DNAH11: variants seen among roughly 807,000 people sequenced by gnomAD.
The protein encoded by DNAH11 is axonemal beta dynein heavy chain 11.
DNAH11 carries 442 observed loss-of-function variants against 526.0 expected under a neutral mutation model. The ratio of observed to expected loss-of-function variants is 0.84; its 90% CI spans 0.78 to 0.91. The LOEUF (loss-of-function observed/expected upper bound fraction) is 0.91. Ranked by LOEUF, DNAH11 falls within the 40% of genes least tolerant of loss-of-function variation. The pLI is 0.00. For missense variants in DNAH11, 6,989 were observed against 5,448.7 expected (o/e 1.28, Z -8.90); for synonymous variants, 2,461 against 1,935.9 (o/e 1.27, Z -7.12).
At chr7:21,868,190 T>C (rs1783359757) in intron 72 of DNAH11, among the ~76,000 whole-genome samples, 183 bp downstream of exon 72, 1 of 151,248 alleles carries the variant, frequency 6.6e-6, no homozygotes, top group African/African-American at 2.4e-5. Context: ...AATGTTGAAA[T>C]GGAACATTCA....
chr7:21,647,702 A>C (rs1418151563), intron 28 of DNAH11, among the ~76,000 whole-genome samples: 1 of 152,038 alleles, frequency 6.6e-6, no homozygotes, highest in African/African-American at 2.4e-5. Flanking sequence ...AAGAGCTGGG[A>C]TTACAGGCAT....
At chr7:21,685,413 T>G (rs890204052) in intron 32 of DNAH11, among the ~76,000 whole-genome samples, 3 of 152,334 alleles carry the variant, frequency 2.0e-5, no homozygotes, top group African/African-American at 7.2e-5. Flanking sequence ...TGTGGGTTTT[T>G]TGGGAGCTGA....
chr7:21,624,161 A>G (rs1185175966), intron 25 of DNAH11, among the ~76,000 whole-genome samples: 2 of 152,030 alleles, frequency 1.3e-5, no homozygotes, highest in Non-Finnish European at 2.9e-5. Flanking sequence ...AGGTAGTGTG[A>G]ACATTTTAAC....
chr7:21,627,246 T>C (rs1371460228), intron 25 of DNAH11, among the ~76,000 whole-genome samples: 1 of 152,196 alleles, frequency 6.6e-6, no homozygotes, highest in East Asian at 1.9e-4. Flanking sequence ...GTTAATTGTT[T>C]CTATTGCTGT....
intron 66 of DNAH11, among the ~76,000 whole-genome samples, chr7:21,848,498 T>C (rs1378398811): frequency 1.3e-5 from 2 of 152,180 alleles, no homozygotes; most frequent in East Asian, 3.8e-4. Flanking sequence ...GTTTTATTCA[T>C]TATACTTGTT....
intron 48 of DNAH11, among the ~76,000 whole-genome samples, chr7:21,741,288 G>C (rs1785882180): frequency 6.6e-6 from 1 of 152,184 alleles, no homozygotes; most frequent in Non-Finnish European, 1.5e-5. Flanking sequence ...TAGTGCGTCT[G>C]TTTTTATTGC....
At chr7:21,727,757 A>G (rs1413498418) in intron 45 of DNAH11, among the ~76,000 whole-genome samples, 1 of 152,200 alleles carries the variant, frequency 6.6e-6, no homozygotes, top group Non-Finnish European at 1.5e-5. Flanking sequence ...AGCCCAGTGC[A>G]TTCATTTCCT....
rs1417695022 is a variant in DNAH11, at chr7:21,546,117, G to A, written c.495+968G>A. Among the ~76,000 whole-genome samples the A allele has an allele frequency of 5.9e-5, 9 of 152,130 alleles. No individual in the cohort carries two copies. The East Asian group carries it at 7.7e-4, about 13-fold the overall frequency. On this transcript the variant is annotated intron_variant, in intron 2 of 81. Transcript: ENST00000409508. ...TAATCAGTGTAGTCCTGCCAAGGCC[G>A]ATATTTAAGGTAGGAAAAATGCTGA...
chr7:21,641,288 G>A (rs564745776), intron 28 of DNAH11, among the ~76,000 whole-genome samples: 25 of 152,276 alleles, frequency 1.6e-4, no homozygotes, highest in African/African-American at 5.8e-4. Flanking sequence ...ACCCAAAAAA[G>A]GCGGGGGAGA....
At chr7:21,559,927 C>G (rs1035822316) in intron 4 of DNAH11, 135 bp downstream of exon 4, 2 of 756,760 alleles carry the variant, frequency 2.6e-6, no homozygotes, top group Non-Finnish European at 4.1e-6. Context: ...ATCCAGAGTT[C>G]TGTGTGTGTG....
chr7:21,747,249 T>C (rs1292442672), intron 51 of DNAH11, among the ~76,000 whole-genome samples: 5 of 152,208 alleles, frequency 3.3e-5, no homozygotes, highest in Admixed American at 3.3e-4. Flanking sequence ...GAAGTAAAAT[T>C]TAATGTGATG....
Position 21,884,391 on chromosome 7 carries a change from A to G in DNAH11, c.12488A>G (p.Glu4163Gly). 1 of 1,610,984 alleles carries G rather than the reference A, an allele frequency of 6.2e-7. No individual in the cohort carries two copies. The highest frequency in any genetic ancestry group is 1.7e-4 in the Middle Eastern group (1 of 6,050). The change falls in exon 76 of 82, where the codon GAA becomes GGA. Residue 4163 changes from glutamate (E) to glycine (G), a missense_variant. Physicochemically the swap from Glu to Gly is moderately conservative, Grantham distance 98. Coordinates refer to ENST00000409508, the MANE Select transcript of DNAH11 (RefSeq NM_001277115.2). ...DRKLCRVYLE[E>G]FMNPSLTEDE... ...AAACTGTGTCGGGTGTATTTAGAAG[A>G]ATTCATGAATCCATCTCTGGTAAGA...
intron 25 of DNAH11, among the ~76,000 whole-genome samples, chr7:21,624,752 C>T (rs1786251947): frequency 6.6e-6 from 1 of 152,140 alleles, no homozygotes; most frequent in Admixed American, 6.6e-5. Flanking sequence ...AAGTTTTAAT[C>T]ATGAAATGAT....
chr7:21,621,590 T>C (rs187048494), intron 25 of DNAH11, among the ~76,000 whole-genome samples: 4,056 of 152,042 alleles, frequency 0.027, 178 homozygotes, highest in African/African-American at 0.092. Context: ...ACTGGCAAAC[T>C]GAATCCAGCA....
chr7:21,648,080 T>A (rs942712551), intron 28 of DNAH11, among the ~76,000 whole-genome samples: 4 of 152,186 alleles, frequency 2.6e-5, no homozygotes, highest in African/African-American at 9.7e-5. Flanking sequence ...AATATATATG[T>A]AAGTTTAAAT....
intron 62 of DNAH11, among the ~76,000 whole-genome samples, chr7:21,802,618 T>C (rs73277751): frequency 1.2e-3 from 185 of 152,292 alleles, no homozygotes; most frequent in African/African-American, 4.2e-3. Flanking sequence ...CATATAATGT[T>C]AATAGCATTC....
chr7:21,720,111 A>G (rs1784818109), intron 43 of DNAH11, among the ~76,000 whole-genome samples: 1 of 152,204 alleles, frequency 6.6e-6, no homozygotes, highest in South Asian at 2.1e-4. Context: ...CATTTCTTTC[A>G]AGGTTAAATT....
intron 74 of DNAH11, among the ~76,000 whole-genome samples, chr7:21,880,159 A>C (rs564645670): frequency 2.9e-4 from 44 of 152,280 alleles, no homozygotes; most frequent in African/African-American, 1.1e-3. Flanking sequence ...ATTTTCAGCA[A>C]ATGACCTGGA....
chr7:21,666,733 C>G (rs1782433982), intron 30 of DNAH11, among the ~76,000 whole-genome samples: 2 of 151,370 alleles, frequency 1.3e-5, no homozygotes, highest in African/African-American at 2.4e-5. Flanking sequence ...CCTGGAGCTA[C>G]CAAGTGTATA....
Sources: allele counts gnomAD v4.1 joint callset (sites outside exome capture counted in the v4.1 genomes callset), GRCh38; gene constraint gnomAD v4.1.1; transcripts MANE v1.5; gene names NCBI Gene and HGNC (gene_info 2026-07-23, HGNC 2026-07-21).